The following MORC1 variants were observed in gnomAD, a reference collection of about 807,000 sequenced individuals.
MORC1 encodes the protein MORC family CW-type zinc finger protein 1.
MORC1 carries 59 observed loss-of-function variants against 134.9 expected under a neutral mutation model. That is an observed-to-expected ratio of 0.44 (90% CI 0.35 to 0.54). The LOEUF is 0.54. MORC1 is among the 20% of genes least tolerant of loss of function. The pLI, the probability that MORC1 is intolerant of heterozygous loss-of-function variation, is 0.00. For synonymous variants in MORC1, 395 were observed against 391.7 expected (o/e 1.01, Z -0.10); for missense variants, 947 against 1,134.5 (o/e 0.83, Z 2.37).
At chr3:109,002,393 G>C (rs1188306080) in intron 20 of MORC1, among the ~76,000 whole-genome samples, 1 of 152,118 alleles carries the variant, frequency 6.6e-6, no homozygotes, top group African/African-American at 2.4e-5. Flanking sequence ...TTGGGCAATT[G>C]GCTACATGCA....
At chr3:109,027,943 C>T in intron 16 of MORC1, 54 bp from the exon 17 acceptor site, 1 of 1,568,426 alleles carries the variant, frequency 6.4e-7, no homozygotes. Flanking sequence ...AAACTACTTA[C>T]TGTCTGTAAA....
intron 14 of MORC1, among the ~76,000 whole-genome samples, chr3:109,044,012 G>C (rs1949623334): frequency 6.6e-6 from 1 of 152,130 alleles, no homozygotes; most frequent in Non-Finnish European, 1.5e-5. Flanking sequence ...ATGGCTGAAA[G>C]CACACAGCTA....
intron 8 of MORC1, among the ~76,000 whole-genome samples, chr3:109,085,609 T>C (rs547703641): frequency 4.0e-5 from 6 of 151,718 alleles, no homozygotes; most frequent in Admixed American, 3.9e-4. Context: ...CAGGGAATAA[T>C]GGATACTGGT....
intron 9 of MORC1, among the ~76,000 whole-genome samples, chr3:109,065,177 C>T (rs1408173112): frequency 2.6e-5 from 4 of 152,154 alleles, no homozygotes; most frequent in Non-Finnish European, 5.9e-5. Context: ...ATCAATTCTC[C>T]ACTCAACAGC....
intron 21 of MORC1, among the ~76,000 whole-genome samples, chr3:108,990,444 G>T (rs1467534123): frequency 6.6e-6 from 1 of 152,004 alleles, no homozygotes; most frequent in African/African-American, 2.4e-5. Context: ...TTGTTTTATA[G>T]ACTTGTTTGT....
At chr3:108,977,595 A>C (rs894932831) in intron 24 of MORC1, among the ~76,000 whole-genome samples, 1 of 152,298 alleles carries the variant, frequency 6.6e-6, no homozygotes, top group Middle Eastern at 3.4e-3. Context: ...ATATCTATAC[A>C]TTTTTAATGA....
At chr3:109,094,563 T>C (rs1438485214) in intron 7 of MORC1, among the ~76,000 whole-genome samples, 1 of 152,214 alleles carries the variant, frequency 6.6e-6, no homozygotes, top group African/African-American at 2.4e-5. Flanking sequence ...CTCTCTTACA[T>C]ACCTGTTATC....
At chr3:109,074,057 A>C (rs1268807740) in intron 8 of MORC1, among the ~76,000 whole-genome samples, 3 of 152,206 alleles carry the variant, frequency 2.0e-5, no homozygotes, top group Non-Finnish European at 4.4e-5. Flanking sequence ...TAAAAAGTAG[A>C]GACATGGAAT....
chr3:109,111,265 G>A (rs989521613), intron 2 of MORC1, among the ~76,000 whole-genome samples: 9 of 152,052 alleles, frequency 5.9e-5, no homozygotes, highest in African/African-American at 1.4e-4. Context: ...CTATAGCCAC[G>A]GACCAAAATG....
chr3:108,990,566 A>G (rs894452957), intron 21 of MORC1, among the ~76,000 whole-genome samples: 3 of 152,144 alleles, frequency 2.0e-5, no homozygotes, highest in Non-Finnish European at 4.4e-5. Flanking sequence ...GATACTTCCT[A>G]TTCCCTTCCC....
intron 20 of MORC1, among the ~76,000 whole-genome samples, chr3:109,002,216 C>G (rs112227942): frequency 2.0e-4 from 30 of 152,334 alleles, no homozygotes; most frequent in African/African-American, 6.0e-4. Flanking sequence ...AGTCTCATAA[C>G]TTCTGCCTAT....
intron 12 of MORC1, 89 bp downstream of exon 12, chr3:109,059,717 A>T: frequency 8.8e-7 from 1 of 1,139,132 alleles, no homozygotes; most frequent in South Asian, 1.6e-5. Context: ...AAATTGTCAC[A>T]ATAACCACTA....
intron 14 of MORC1, among the ~76,000 whole-genome samples, chr3:109,053,515 A>G (rs1406952853): frequency 2.0e-5 from 3 of 147,430 alleles, no homozygotes; most frequent in Non-Finnish European, 3.0e-5. Flanking sequence ...TAAGCAAACT[A>G]ATGCAGAAAA....
chr3:109,082,392 C>G (rs1950540222), intron 8 of MORC1, among the ~76,000 whole-genome samples: 1 of 152,038 alleles, frequency 6.6e-6, no homozygotes, highest in Non-Finnish European at 1.5e-5. Context: ...TGTACATCCA[C>G]AAGAAACAAC....
chr3:109,089,562 A>G (rs1425069760), intron 8 of MORC1, among the ~76,000 whole-genome samples: 1 of 152,154 alleles, frequency 6.6e-6, no homozygotes, highest in Non-Finnish European at 1.5e-5. Flanking sequence ...AAAGCCACCA[A>G]TAAGATAGAG....
At position 109,000,631 on chromosome 3, in the gene MORC1, G is replaced by A; in HGVS notation, c.2113C>T (p.Gln705Ter). 6.2e-7 allele frequency: 1 copy of A among 1,610,424 alleles called. No homozygotes were observed. The highest frequency in any genetic ancestry group is 8.5e-7 in the Non-Finnish European group (1 of 1,178,738). The change falls in exon 21 of 28, where the codon CAG (glutamine) becomes TAG (stop). Residue 705 changes from glutamine (Q) to a stop codon, truncating the protein, a stop_gained. Coordinates refer to ENST00000232603, the MANE Select transcript of MORC1 (RefSeq NM_014429.4). LOFTEE classifies it high-confidence loss of function. The stretch of plus-strand genomic sequence containing the variant: ...CATTCCTCTACAAAGTTCAGACTCT[G>A]CTTCCTTTTCATTTCCCAAGAAGCG... ...QAASWEMKRKQSLNFVEECKV... is the reference protein window; with the variant it reads ...QAASWEMKRK
intron 4 of MORC1, among the ~76,000 whole-genome samples, chr3:109,100,904 G>C (rs1186336008): frequency 2.0e-5 from 3 of 152,124 alleles, no homozygotes; most frequent in Non-Finnish European, 4.4e-5. Context: ...TATACAGGAG[G>C]ATATATATAG....
chr3:109,072,523 C>A (rs1001743303), intron 8 of MORC1, among the ~76,000 whole-genome samples: 2 of 152,162 alleles, frequency 1.3e-5, no homozygotes, highest in Non-Finnish European at 2.9e-5. Context: ...ATGAAGCTAG[C>A]GCTCTCATCA....
rs554182651 is a variant in MORC1 at position 109,074,835 on chromosome 3, CAG to C, written c.690-5080_690-5079del. 7.2e-5 allele frequency among the ~76,000 whole-genome samples: 11 copies of C among 152,276 alleles called. No individual in the cohort carries two copies. The East Asian group carries it at 1.9e-3, about 27-fold the overall frequency. On this transcript the variant is annotated intron_variant, in intron 8 of 27. Coordinates refer to ENST00000232603, the MANE Select transcript of MORC1 (RefSeq NM_014429.4). Reference sequence around the variant, plus strand: ...GAATTGTGGGGATTACTAAAATGTACAGAGATTTTCCATTTGCCTGGTACTGT... The same window carrying C: ...GAATTGTGGGGATTACTAAAATGTACAGATTTTCCATTTGCCTGGTACTGT...
Sources: gnomAD v4.1 joint callset for allele counts (sites outside exome capture counted in the v4.1 genomes callset) on GRCh38, gnomAD v4.1.1 for gene constraint, MANE v1.5 for transcripts, NCBI Gene and HGNC (gene_info 2026-07-23, HGNC 2026-07-21) for gene names.